The following TMTC2 variants were observed in gnomAD, a reference collection of about 807,000 sequenced individuals.
The protein encoded by TMTC2 is transmembrane O-mannosyltransferase targeting cadherins 2.
In TMTC2, 43 loss-of-function variants were observed where a neutral mutation model predicts 82.4. The ratio of observed to expected loss-of-function variants is 0.52; its 90% confidence interval spans 0.41 to 0.67. TMTC2 has a LOEUF of 0.67. Ranked by LOEUF, TMTC2 falls within the 30% of genes least tolerant of loss-of-function variation. The pLI is 0.00. For missense variants in TMTC2, 919 were observed against 1,012.4 expected, an observed-to-expected ratio of 0.91 and a Z score of 1.25; for synonymous variants, 408 against 381.9, an observed-to-expected ratio of 1.07 and a Z score of -0.80.
chr12:82,970,575 C>T lies in TMTC2; in HGVS notation c.1948+3578C>T, dbSNP rs982534644. On this transcript the variant is annotated intron_variant, in intron 7 of 11. Transcript: ENST00000321196. The stretch of plus-strand genomic sequence containing the variant: ...GTCTCGATCTCCTGACCTCATGATC[C>T]ACCCGCCTCGGCCTCCCAAAGTGCT... Among the ~76,000 whole-genome samples the T allele has an allele frequency of 4.6e-5, 7 of 151,910 alleles. No homozygotes were observed. In the East Asian group the frequency reaches 1.2e-3, roughly 25 times the overall value.
chr12:82,754,273 CTG>C lies in TMTC2; in HGVS notation c.83+66606_83+66607del, dbSNP rs537362421. Among the ~76,000 whole-genome samples, 16 of 152,144 alleles carry C rather than the reference CTG, an allele frequency of 1.1e-4. No homozygotes were observed. In the South Asian group the frequency reaches 1.2e-3, roughly 12 times the overall value. On this transcript the variant is annotated intron_variant, in intron 1 of 11. Coordinates refer to ENST00000321196, the MANE Select transcript of TMTC2 (RefSeq NM_152588.3). Reference sequence around the variant, plus strand: ...AGTTTAATTCACTGAGTTAAGAAAACTGTTATTTTTTAAAAAACAAAACAAAA... The same window carrying C: ...AGTTTAATTCACTGAGTTAAGAAAACTTATTTTTTAAAAAACAAAACAAAA...
At position 82,712,825 on chromosome 12, in the gene TMTC2, A is replaced by G. The variant is rs12297818; in HGVS notation, c.83+25156A>G. Among the ~76,000 whole-genome samples, 467 of 152,330 alleles carry G rather than the reference A, an allele frequency of 3.1e-3. 2 individuals carry two copies. Among genetic ancestry groups the G allele is most frequent in the African/African-American group, 0.011 (453 of 41,576 alleles). ...CCTTGAATGAGAGAGAAATGATCTA[A>G]CAGAGAATCCTCTAACAGAAGTAGG... On this transcript the variant is annotated intron_variant, in intron 1 of 11. Coordinates refer to ENST00000321196, the MANE Select transcript of TMTC2 (RefSeq NM_152588.3).
intron 11 of TMTC2, among the ~76,000 whole-genome samples, chr12:83,065,370 G>A (rs543588154): frequency 2.0e-4 from 31 of 151,940 alleles, no homozygotes; most frequent in African/African-American, 7.0e-4. Flanking sequence ...AATAATGAAA[G>A]ATGTCTAAAT....
intron 1 of TMTC2, among the ~76,000 whole-genome samples, chr12:82,711,862 A>T (rs1425109900): frequency 1.3e-5 from 2 of 152,216 alleles, no homozygotes; most frequent in Non-Finnish European, 2.9e-5. Flanking sequence ...TACACATAGG[A>T]GTAAAAGGAA....
intron 7 of TMTC2, among the ~76,000 whole-genome samples, chr12:82,985,417 T>C (rs995202036): frequency 6.6e-6 from 1 of 152,190 alleles, no homozygotes; most frequent in African/African-American, 2.4e-5. Context: ...CAGTGTTTAA[T>C]CTAAATATAT....
At chr12:82,985,884 T>C (rs769611816) in intron 7 of TMTC2, 41 bp from the exon 8 acceptor site, 2 of 1,598,644 alleles carry the variant, frequency 1.3e-6, no homozygotes, top group African/African-American at 2.7e-5. Flanking sequence ...GTGGAAAAGC[T>C]GTATCCTCCC....
At chr12:82,924,337 C>A (rs547246959) in intron 3 of TMTC2, among the ~76,000 whole-genome samples, 3 of 152,264 alleles carry the variant, frequency 2.0e-5, no homozygotes, top group African/African-American at 7.2e-5. Flanking sequence ...GATAAAAAAT[C>A]ATTCATATAG....
intron 9 of TMTC2, among the ~76,000 whole-genome samples, chr12:83,044,440 T>C (rs1882014610): frequency 6.6e-6 from 1 of 152,136 alleles, no homozygotes; most frequent in African/African-American, 2.4e-5. Context: ...TAGCAAGCTG[T>C]GTAGGCCAGT....
intron 11 of TMTC2, among the ~76,000 whole-genome samples, chr12:83,076,026 AG>A (rs1883274475): frequency 6.6e-6 from 1 of 152,204 alleles, no homozygotes; most frequent in South Asian, 2.1e-4. Context: ...TTAGAAGACA[AG>A]GATAGTGAAT....
intron 8 of TMTC2, among the ~76,000 whole-genome samples, chr12:83,029,273 A>G (rs1438934955): frequency 1.3e-5 from 2 of 152,142 alleles, no homozygotes; most frequent in Non-Finnish European, 2.9e-5. Flanking sequence ...AATGCAACCC[A>G]ACACAAATTC....
chr12:83,089,423 G>A (rs1005388610), intron 11 of TMTC2, among the ~76,000 whole-genome samples: 6 of 152,136 alleles, frequency 3.9e-5, no homozygotes, highest in African/African-American at 1.4e-4. Context: ...TATAATTATT[G>A]CATTTATTAG....
At chr12:83,051,385 A>C (rs1046364672) in intron 10 of TMTC2, among the ~76,000 whole-genome samples, 3 of 152,036 alleles carry the variant, frequency 2.0e-5, no homozygotes, top group Non-Finnish European at 2.9e-5. Context: ...AATGTGGCCC[A>C]GGGAAGCCAA....
At chr12:82,938,211 A>C (rs2137257640) in intron 4 of TMTC2, among the ~76,000 whole-genome samples, 1 of 151,938 alleles carries the variant, frequency 6.6e-6, no homozygotes, top group African/African-American at 2.4e-5. Flanking sequence ...ACTGTGCCCG[A>C]CCTTTTTAGA....
At chr12:83,026,952 A>G (rs1236171333) in intron 8 of TMTC2, among the ~76,000 whole-genome samples, 3 of 152,096 alleles carry the variant, frequency 2.0e-5, no homozygotes, top group Non-Finnish European at 4.4e-5. Context: ...AATTTTACTG[A>G]ATATTTCTCT....
intron 7 of TMTC2, among the ~76,000 whole-genome samples, chr12:82,968,829 T>C (rs2137309727): frequency 6.6e-6 from 1 of 152,234 alleles, no homozygotes; most frequent in East Asian, 1.9e-4. Flanking sequence ...TAATCTTTTG[T>C]CTCATTTTCC....
chr12:83,040,728 C>G (rs1205684768), intron 9 of TMTC2, among the ~76,000 whole-genome samples: 1 of 150,962 alleles, frequency 6.6e-6, no homozygotes, highest in Non-Finnish European at 1.5e-5. Context: ...CTCAGTCGCC[C>G]AGGCTGAAGC....
chr12:82,955,723 CA>C (rs1877578489), intron 4 of TMTC2, among the ~76,000 whole-genome samples: 1 of 152,018 alleles, frequency 6.6e-6, no homozygotes, highest in Non-Finnish European at 1.5e-5. Flanking sequence ...TTGACCAAAA[CA>C]AATACTGATT....
intron 8 of TMTC2, among the ~76,000 whole-genome samples, chr12:82,991,236 G>C (rs1015450550): frequency 3.5e-5 from 5 of 143,784 alleles, no homozygotes; most frequent in African/African-American, 1.3e-4. Context: ...TTTAAGTGTG[G>C]AGTTTTTTTT....
At chr12:82,729,468 T>G (rs1432475637) in intron 1 of TMTC2, among the ~76,000 whole-genome samples, 3 of 152,114 alleles carry the variant, frequency 2.0e-5, no homozygotes, top group African/African-American at 7.2e-5. Context: ...TAGCTCAGGG[T>G]TTGTGAATGC....
Sources: gnomAD v4.1 joint callset for allele counts (sites outside exome capture counted in the v4.1 genomes callset) on GRCh38, gnomAD v4.1.1 for gene constraint, MANE v1.5 for transcripts, NCBI Gene and HGNC (gene_info 2026-07-23, HGNC 2026-07-21) for gene names.